Variants in DNAJC15 observed in about 807,000 individuals in gnomAD.
The protein encoded by DNAJC15 is DnaJ heat shock protein family (Hsp40) member C15.
Under a neutral mutation model 22.4 loss-of-function variants are expected in DNAJC15, and 27 were observed. That is an observed-to-expected ratio of 1.20 (90% CI 0.89 to 1.66). The LOEUF (loss-of-function observed/expected upper bound fraction) is 1.66. Among genes scored for constraint, DNAJC15 ranks in the 40% most tolerant of loss-of-function variants. The probability of loss-of-function intolerance (pLI) is 0.00; values close to 1 mark genes in which losing one functional copy is unlikely to be tolerated. For synonymous variants in DNAJC15, 79 were observed against 63.2 expected (o/e 1.25, Z -1.19); for missense variants, 208 against 187.1 (o/e 1.11, Z -0.65).
chr13:43,104,875 G>A (rs1212999068), intron 5 of DNAJC15, among the ~76,000 whole-genome samples: 2 of 151,528 alleles, frequency 1.3e-5, no homozygotes, highest in Admixed American at 1.3e-4. Context: ...TTTTTGTAGA[G>A]ACAGAGTCTT....
intron 1 of DNAJC15, among the ~76,000 whole-genome samples, chr13:43,053,388 T>C (rs1309062512): frequency 6.6e-6 from 1 of 152,216 alleles, no homozygotes; most frequent in Non-Finnish European, 1.5e-5. Flanking sequence ...CTGCATGGGC[T>C]GTTTTTTTGG....
chr13:43,038,648 C>T (rs1326685335), intron 1 of DNAJC15, among the ~76,000 whole-genome samples: 4 of 151,960 alleles, frequency 2.6e-5, no homozygotes, highest in Non-Finnish European at 5.9e-5. Context: ...AAAAATTAGC[C>T]AGGCTTGGTG....
intron 1 of DNAJC15, among the ~76,000 whole-genome samples, chr13:43,058,682 C>CA (rs886844509): frequency 1.3e-5 from 2 of 152,206 alleles, no homozygotes; most frequent in Admixed American, 1.3e-4. Context: ...GAAATTATCA[C>CA]AAAGTTCATC....
chr13:43,097,420 TAG>T (rs2040745031), intron 5 of DNAJC15, among the ~76,000 whole-genome samples: 2 of 152,136 alleles, frequency 1.3e-5, no homozygotes, highest in African/African-American at 2.4e-5. Flanking sequence ...GGCTAAATGA[TAG>T]AGTGGCTTGC....
intron 4 of DNAJC15, among the ~76,000 whole-genome samples, chr13:43,079,958 G>A (rs2040654090): frequency 6.6e-6 from 1 of 151,944 alleles, no homozygotes; most frequent in African/African-American, 2.4e-5. Flanking sequence ...CTATTAAATG[G>A]GTGACCCCAG....
chr13:43,046,745 G>A (rs1225943660), intron 1 of DNAJC15, among the ~76,000 whole-genome samples: 3 of 152,156 alleles, frequency 2.0e-5, no homozygotes, highest in Non-Finnish European at 4.4e-5. Flanking sequence ...TCTGGTCCGT[G>A]TTTGTTACGG....
At chr13:43,077,206 T>A (rs1402607753) in intron 3 of DNAJC15, among the ~76,000 whole-genome samples, 1 of 152,218 alleles carries the variant, frequency 6.6e-6, no homozygotes, top group African/African-American at 2.4e-5. Flanking sequence ...TCACAACAAA[T>A]AAACAGCTGC....
chr13:43,057,518 A>G (rs1299801135), intron 1 of DNAJC15, among the ~76,000 whole-genome samples: 1 of 151,954 alleles, frequency 6.6e-6, no homozygotes, highest in East Asian at 1.9e-4. Flanking sequence ...TATATTTTAA[A>G]TTTCTTTAAG....
intron 1 of DNAJC15, among the ~76,000 whole-genome samples, chr13:43,031,852 G>A (rs557678026): frequency 5.3e-4 from 80 of 152,250 alleles, no homozygotes; most frequent in Non-Finnish European, 8.8e-4. Context: ...CTTAAATTAT[G>A]TCACGGTCTA....
At chr13:43,076,005 T>C (rs2040632435) in intron 3 of DNAJC15, among the ~76,000 whole-genome samples, 1 of 140,012 alleles carries the variant, frequency 7.1e-6, no homozygotes, top group African/African-American at 2.5e-5. Flanking sequence ...TTTCTCTCTC[T>C]ATCTCTCTTT....
rs572860881 is a variant in DNAJC15, at chr13:43,039,218, C to T, written c.108+15484C>T. On this transcript the variant is annotated intron_variant, in intron 1 of 5. Coordinates refer to ENST00000379221, the MANE Select transcript of DNAJC15 (RefSeq NM_013238.3). ...AACTTCTCGGGCCCTCAGTGTCTTCCTCATAAAATGTGGGTTTTGGCTAAT... is the reference window on the plus strand; with the variant it reads ...AACTTCTCGGGCCCTCAGTGTCTTCTTCATAAAATGTGGGTTTTGGCTAAT... Among the ~76,000 whole-genome samples, 3 of 152,224 alleles carry T rather than the reference C, an allele frequency of 2.0e-5. No individual in the cohort carries two copies. The South Asian group carries it at 6.2e-4, about 32-fold the overall frequency.
At chr13:43,076,870 A>T (rs1209918466) in intron 3 of DNAJC15, among the ~76,000 whole-genome samples, 1 of 152,046 alleles carries the variant, frequency 6.6e-6, no homozygotes, top group Non-Finnish European at 1.5e-5. Context: ...CTCTCATTTT[A>T]CTTTACCTAT....
chr13:43,065,852 C>T, intron 2 of DNAJC15, 115 bp downstream of exon 2: 1 of 794,144 alleles, frequency 1.3e-6, no homozygotes, highest in South Asian at 2.1e-5. Context: ...AGACATAATA[C>T]ATTCTCATTC....
intron 5 of DNAJC15, 70 bp from the exon 6 acceptor site, chr13:43,107,108 T>C (rs2040800378): frequency 8.1e-7 from 1 of 1,229,804 alleles, no homozygotes; most frequent in Non-Finnish European, 1.1e-6. Flanking sequence ...AGAGTATTTT[T>C]ATATTTTGGG....
chr13:43,082,971 G>A (rs970210921), intron 4 of DNAJC15, among the ~76,000 whole-genome samples: 4 of 151,570 alleles, frequency 2.6e-5, no homozygotes, highest in Admixed American at 1.3e-4. Context: ...AGGGCCACAT[G>A]GTGATGAAAT....
chr13:43,085,908 CAT>C, intron 5 of DNAJC15, 70 bp downstream of exon 5: 1 of 1,367,764 alleles, frequency 7.3e-7, no homozygotes, highest in Non-Finnish European at 1.0e-6. Context: ...AGATTAAAGT[CAT>C]ATATGATATA....
At chr13:43,103,447 A>G (rs1484927616) in intron 5 of DNAJC15, among the ~76,000 whole-genome samples, 1 of 152,240 alleles carries the variant, frequency 6.6e-6, no homozygotes, top group Non-Finnish European at 1.5e-5. Context: ...TTCCAAACCT[A>G]TCTATGGTCT....
At position 43,108,130 on chromosome 13, in the gene DNAJC15, A is replaced by G. The variant is rs1460701348; in HGVS notation, c.*882A>G. ...TTAGATACAGATGATATATTTTAAA[A>G]GTTCAAAGGAAGAAAAGAATGTGTT... On this transcript the variant is annotated 3_prime_UTR_variant, in exon 6 of 6. Transcript: ENST00000379221. The G allele has an allele frequency of 6.6e-6, 1 of 152,626 alleles. No homozygotes were observed. The highest frequency in any genetic ancestry group is 1.9e-4 in the East Asian group (1 of 5,200). 9.5% of individuals were successfully genotyped at this position (152,626 alleles called of 1,614,324 possible).
rs760178043 is a variant in DNAJC15 at position 43,065,597 on chromosome 13, G to A, written c.109-89G>A. 306 of 1,068,646 alleles carry A rather than the reference G, an allele frequency of 2.9e-4. 2 individuals are homozygous for A. The highest frequency in any genetic ancestry group is 9.0e-4 in the South Asian group (69 of 76,910). 66.2% of individuals were successfully genotyped at this position (1,068,646 alleles called of 1,614,324 possible). On this transcript the variant is annotated intron_variant, in intron 1 of 5. Coordinates refer to ENST00000379221, the MANE Select transcript of DNAJC15 (RefSeq NM_013238.3). ...TAGAGCTTAAAGAAAGTGTAGTATT[G>A]TAATGTAATTATTCTCATTATTAAA... is the stretch of plus-strand genomic sequence containing the variant.
Sources: gnomAD v4.1 joint callset for allele counts (sites outside exome capture counted in the v4.1 genomes callset) on GRCh38, gnomAD v4.1.1 for gene constraint, MANE v1.5 for transcripts, NCBI Gene and HGNC (gene_info 2026-07-23, HGNC 2026-07-21) for gene names.